The following DIDO1 variants were observed in gnomAD, a reference collection of about 807,000 sequenced individuals.
The protein encoded by DIDO1 is death inducer-obliterator 1.
Under a neutral mutation model 99.4 loss-of-function variants are expected in DIDO1, and 16 were observed. The ratio of observed to expected loss-of-function variants is 0.16; its 90% CI spans 0.11 to 0.24. The LOEUF is 0.24. DIDO1 is among the 10% of genes least tolerant of loss of function. DIDO1 has a pLI of 1.00. For synonymous variants in DIDO1, 1,366 were observed against 1,239.1 expected (o/e 1.10, Z -2.15); for missense variants, 2,996 against 3,014.0 (o/e 0.99, Z 0.14).
chr20:62,883,946 C>T (rs2064254130), intron 15 of DIDO1, among the ~76,000 whole-genome samples: 1 of 152,198 alleles, frequency 6.6e-6, no homozygotes, highest in Non-Finnish European at 1.5e-5. Context: ...GCAGAGGTTG[C>T]AGTGAGCCGA....
rs772853271 is a variant in DIDO1, at chr20:62,894,845, C to G, written c.2401G>C (p.Asp801His). 6.2e-6 allele frequency: 10 copies of G among 1,614,096 alleles called. No individual in the cohort carries two copies. Among genetic ancestry groups the G allele is most frequent in the Non-Finnish European group, 8.5e-6 (10 of 1,180,034 alleles). ...GACACTGGCGGAGAGTCCTCCAGAT[C>G]GGGGATGGCCTCCTGCCTGGGGGCC... ...KTAPRQEAIP[D>H]LEDSPPVSDS... is the part of the protein sequence containing the mutation. Residue 801 changes from aspartate to histidine, a missense_variant, in exon 10 of 16, where the codon GAT (aspartate) becomes CAT (histidine). Asp to His is a moderately conservative substitution (Grantham distance 81, BLOSUM62 -1). Transcript: ENST00000395343. The surrounding 1 kb of genome is among the most constrained non-coding windows in gnomAD (Gnocchi z 4.4).
intron 2 of DIDO1, among the ~76,000 whole-genome samples, chr20:62,912,288 C>G (rs1051378681): frequency 6.6e-6 from 1 of 152,236 alleles, no homozygotes; most frequent in African/African-American, 2.4e-5. Context: ...TGTGAGAGAA[C>G]TGCCTAACTC....
chr20:62,902,197 G>T (rs2064698615), intron 6 of DIDO1, among the ~76,000 whole-genome samples: 1 of 152,194 alleles, frequency 6.6e-6, no homozygotes, highest in Non-Finnish European at 1.5e-5. Flanking sequence ...GGTTACGGAG[G>T]TGTGAAACCT....
At chr20:62,922,886 A>G (rs1161077974) in intron 1 of DIDO1, among the ~76,000 whole-genome samples, 1 of 152,264 alleles carries the variant, frequency 6.6e-6, no homozygotes, top group East Asian at 1.9e-4. Flanking sequence ...AGGAGAAATT[A>G]AGTAGGAAGT....
upstream of DIDO1, among the ~76,000 whole-genome samples, chr20:62,929,692 A>AAAAAAATATAT: frequency 6.3e-5 from 4 of 63,710 alleles, no homozygotes; most frequent in Admixed American, 3.6e-4. Flanking sequence ...AAAAAGAAAA[A>AAAAAAATATAT]GTGTATATAT....
chr20:62,901,258 A>G (rs13347176), intron 6 of DIDO1, among the ~76,000 whole-genome samples: 35,047 of 152,146 alleles, frequency 0.23, 4,309 homozygotes, highest in East Asian at 0.33. Context: ...GAATACTCAA[A>G]GCTTTCCTTG....
chr20:62,891,331 T>C (rs925578224), intron 14 of DIDO1, among the ~76,000 whole-genome samples, 176 bp from the exon 15 acceptor site: 1 of 152,164 alleles, frequency 6.6e-6, no homozygotes, highest in African/African-American at 2.4e-5. Flanking sequence ...CCCAGCAGTG[T>C]CTGGAGCCGA....
chr20:62,880,233 G>A lies in DIDO1; in HGVS notation c.5723C>T (p.Pro1908Leu), dbSNP rs1423979355. ...SQLKGPRGGP[P>L]PSQFGGQRGP... is the part of the protein sequence containing the mutation. The stretch of plus-strand genomic sequence containing the variant: ...TCTCTGACCTCCAAACTGAGAGGGA[G>A]GGGGGCCGCCTCGGGGGCCTTTCAG... The change falls in exon 16 of 16, where the codon CCT (proline) becomes CTT (leucine). Residue 1908 changes from proline to leucine, a missense_variant. By Grantham distance (98) the Pro-to-Leu change is moderately conservative. Coordinates refer to ENST00000395343, the MANE Select transcript of DIDO1 (RefSeq NM_001193369.2). 4 of 1,612,288 alleles carry A rather than the reference G, an allele frequency of 2.5e-6. No individual in the cohort carries two copies. Among genetic ancestry groups the A allele is most frequent in the Non-Finnish European group, 3.4e-6 (4 of 1,179,866 alleles).
upstream of DIDO1, among the ~76,000 whole-genome samples, chr20:62,927,324 AAG>A (rs1436953523): frequency 1.3e-5 from 2 of 152,210 alleles, no homozygotes; most frequent in Non-Finnish European, 2.9e-5. Flanking sequence ...ACTTACTATC[AAG>A]AGAGGGGAAA....
chr20:62,936,551 T>C (rs904661763), intron 1 of DIDO1, among the ~76,000 whole-genome samples: 29 of 146,264 alleles, frequency 2.0e-4, no homozygotes, highest in Non-Finnish European at 3.3e-4. Flanking sequence ...TGAGACTCCT[T>C]CTCAAAAAAT....
At chr20:62,929,693 G>GCATATATATATATATATATATATATATA (rs1555853760), upstream of DIDO1, among the ~76,000 whole-genome samples, 2 of 97,968 alleles carry the variant, frequency 2.0e-5, no homozygotes, top group African/African-American at 1.1e-4. Context: ...AAAAGAAAAA[G>GCATATATATATATATATATATATATATA]TGTATATATA....
intron 2 of DIDO1, among the ~76,000 whole-genome samples, chr20:62,913,645 C>T (rs1209026162): frequency 1.3e-5 from 2 of 152,242 alleles, no homozygotes; most frequent in Non-Finnish European, 2.9e-5. Context: ...GTCAAGCTCT[C>T]GTTTTCATGC....
At chr20:62,910,565 A>G (rs188729207) in intron 3 of DIDO1, among the ~76,000 whole-genome samples, 1 of 152,348 alleles carries the variant, frequency 6.6e-6, no homozygotes, top group Admixed American at 6.5e-5. Context: ...CTTGACTGGA[A>G]ACAGCCATGT....
intron 6 of DIDO1, among the ~76,000 whole-genome samples, chr20:62,899,950 G>T (rs1169844756): frequency 6.6e-6 from 1 of 152,246 alleles, no homozygotes; most frequent in East Asian, 1.9e-4. Flanking sequence ...CTTTTTAGTG[G>T]AGCTAAAATT....
chr20:62,929,961 C>T (rs113584036), upstream of DIDO1, among the ~76,000 whole-genome samples: 3 of 152,058 alleles, frequency 2.0e-5, no homozygotes, highest in South Asian at 2.1e-4. Flanking sequence ...CTGCCAGGCG[C>T]GGTGGTTCAA....
chr20:62,908,811 A>G (rs2064862565), intron 4 of DIDO1, among the ~76,000 whole-genome samples: 2 of 152,174 alleles, frequency 1.3e-5, no homozygotes, highest in Admixed American at 6.5e-5. Flanking sequence ...GTGAGCTGGG[A>G]CTGTGCCACC....
chr20:62,907,413 T>G, intron 4 of DIDO1, 54 bp from the exon 5 acceptor site: 1 of 1,557,674 alleles, frequency 6.4e-7, no homozygotes, highest in Non-Finnish European at 8.8e-7. Flanking sequence ...TTTAAGCAGT[T>G]AAGTGTGTGT....
intron 15 of DIDO1, chr20:62,888,689 A>G (rs752702377): frequency 1.0e-6 from 1 of 985,364 alleles, no homozygotes; most frequent in Non-Finnish European, 1.2e-6. Flanking sequence ...CACGCACTAC[A>G]CATTTACACC....
At chr20:62,899,765 C>T (rs1035353839) in intron 6 of DIDO1, among the ~76,000 whole-genome samples, 2 of 152,138 alleles carry the variant, frequency 1.3e-5, no homozygotes, top group African/African-American at 4.8e-5. Context: ...TGTTCCAAGC[C>T]GGGCCTCTGG....
Sources: gnomAD v4.1 joint callset for allele counts (sites outside exome capture counted in the v4.1 genomes callset) on GRCh38, gnomAD v4.1.1 for gene constraint, Gnocchi (gnomAD v3.1) non-coding constraint, MANE v1.5 for transcripts, NCBI Gene and HGNC (gene_info 2026-07-23, HGNC 2026-07-21) for gene names.